ARHGAP10: variants seen among roughly 807,000 people sequenced by gnomAD.
ARHGAP10 encodes the protein rho GTPase-activating protein 10.
In ARHGAP10, 87 loss-of-function variants were observed where a neutral mutation model predicts 108.6. The observed-to-expected ratio is 0.80, with a 90% CI of 0.67 to 0.96. The LOEUF is 0.96. Ranked by LOEUF, ARHGAP10 falls within the 40% of genes least tolerant of loss-of-function variation. The pLI, the probability that ARHGAP10 is intolerant of heterozygous loss-of-function variation, is 0.00. For missense variants in ARHGAP10, 939 were observed against 954.5 expected (o/e 0.98, Z 0.21); for synonymous variants, 347 against 341.1 (o/e 1.02, Z -0.19).
In ARHGAP10 at chr4:148,047,011, C is replaced by T. The variant is rs1463484877; in HGVS notation, c.1987C>T (p.Leu663=). The change falls in exon 20 of 23, where the codon CTG becomes TTG. Residue 663 remains leucine, a synonymous_variant. Coordinates refer to ENST00000336498, the MANE Select transcript of ARHGAP10 (RefSeq NM_024605.4). ...TCCTGGACCAGACAAAAACCACCTT[C>T]TGGCAGATGGAGGGAGCTTTGGAGA... ...GPPGPDKNHL[L]ADGGSFGDWA... is the part of the protein sequence containing the mutation. The T allele has an allele frequency of 7.4e-6, 12 of 1,614,070 alleles. No individual in the cohort carries two copies. The highest frequency in any genetic ancestry group is 1.0e-5 in the Non-Finnish European group (12 of 1,180,024).
intron 13 of ARHGAP10, among the ~76,000 whole-genome samples, chr4:147,933,437 ATTAGCTGTTTATT>A (rs1474285177): frequency 6.6e-6 from 1 of 152,034 alleles, no homozygotes; most frequent in Non-Finnish European, 1.5e-5. Flanking sequence ...GCATTGAGGG[ATTAGCTGTTTATT>A]TTCATCTACC....
chr4:148,064,657 T>A, intron 22 of ARHGAP10, 150 bp downstream of exon 22: 1 of 675,150 alleles, frequency 1.5e-6, no homozygotes, highest in East Asian at 2.8e-5. Context: ...TGCGTTAGGC[T>A]CCCAGACCCC....
intron 15 of ARHGAP10, among the ~76,000 whole-genome samples, chr4:147,948,965 CA>C (rs571158588): frequency 4.6e-4 from 40 of 87,760 alleles, no homozygotes; most frequent in East Asian, 1.8e-3. Context: ...GACTCTGTCT[CA>C]AAAAAAAAAA....
chr4:148,056,129 T>G (rs776357125), intron 20 of ARHGAP10, among the ~76,000 whole-genome samples: 1 of 152,204 alleles, frequency 6.6e-6, no homozygotes, highest in Non-Finnish European at 1.5e-5. Flanking sequence ...CTGCCAAGCT[T>G]GAAGTATTTA....
At chr4:147,881,721 G>A (rs540510637) in intron 9 of ARHGAP10, 117 bp from the exon 10 acceptor site, 1 of 764,524 alleles carries the variant, frequency 1.3e-6, no homozygotes, top group South Asian at 2.0e-5. Flanking sequence ...AGAGGATAGG[G>A]TAAAGAGAAG....
At chr4:147,775,552 G>T (rs1050487990) in intron 1 of ARHGAP10, among the ~76,000 whole-genome samples, 5 of 152,196 alleles carry the variant, frequency 3.3e-5, no homozygotes, top group Non-Finnish European at 7.3e-5. Context: ...CCTGGTAGGA[G>T]AAAGGTGATT....
intron 1 of ARHGAP10, among the ~76,000 whole-genome samples, chr4:147,756,534 C>T (rs1179064909): frequency 6.6e-6 from 1 of 152,138 alleles, no homozygotes; most frequent in Non-Finnish European, 1.5e-5. Flanking sequence ...ATGAAAAATT[C>T]CAGAAATAAT....
chr4:147,978,808 AT>A (rs1428542156), intron 18 of ARHGAP10, among the ~76,000 whole-genome samples: 1 of 152,182 alleles, frequency 6.6e-6, no homozygotes, highest in East Asian at 1.9e-4. Flanking sequence ...TTCTCTGAAG[AT>A]TAATGATGTT....
intron 1 of ARHGAP10, among the ~76,000 whole-genome samples, chr4:147,741,774 A>ACC (rs1172546644): frequency 5.1e-4 from 19 of 37,158 alleles, no homozygotes; most frequent in Non-Finnish European, 3.2e-4. Context: ...CTTTACACAC[A>ACC]CACACACACA....
In ARHGAP10 at chr4:147,881,938, T is replaced by G. The variant is rs1186174832; in HGVS notation, c.1034+6T>G. 2.5e-6 allele frequency: 4 copies of G among 1,610,772 alleles called. No individual in the cohort carries two copies. Among genetic ancestry groups the G allele is most frequent in the Non-Finnish European group, 2.5e-6 (3 of 1,178,392 alleles). The stretch of plus-strand genomic sequence containing the variant: ...GACATAGAAGCTGCTGATCGGTAAG[T>G]TATTGGAATTATTGGACATGGTGAA... On this transcript the variant is annotated splice_donor_region_variant and intron_variant, in intron 10 of 22. Transcript: ENST00000336498.
At chr4:147,907,080 G>A (rs1736527113) in intron 11 of ARHGAP10, among the ~76,000 whole-genome samples, 1 of 152,164 alleles carries the variant, frequency 6.6e-6, no homozygotes, top group African/African-American at 2.4e-5. Flanking sequence ...AACAGGAAAT[G>A]TGAGATAGTG....
chr4:147,907,612 CAGAG>C (rs1244571303), intron 11 of ARHGAP10, among the ~76,000 whole-genome samples: 6 of 152,142 alleles, frequency 3.9e-5, no homozygotes, highest in Non-Finnish European at 7.3e-5. Context: ...CTTGTGGTAA[CAGAG>C]AGCGCATTGG....
intron 7 of ARHGAP10, among the ~76,000 whole-genome samples, chr4:147,868,237 T>C (rs1008661147): frequency 2.1e-5 from 3 of 145,836 alleles, no homozygotes; most frequent in African/African-American, 8.1e-5. Context: ...TTGTTGAGTT[T>C]TTTTTGTTTT....
chr4:147,947,700 G>T (rs986112071), intron 15 of ARHGAP10, among the ~76,000 whole-genome samples: 1 of 152,028 alleles, frequency 6.6e-6, no homozygotes, highest in African/African-American at 2.4e-5. Flanking sequence ...ACCATACCTG[G>T]CCTCAGGACC....
At chr4:147,843,055 C>T (rs953969983) in intron 3 of ARHGAP10, among the ~76,000 whole-genome samples, 78 of 152,270 alleles carry the variant, frequency 5.1e-4, no homozygotes, top group African/African-American at 1.8e-3. Flanking sequence ...AAAAAATAGC[C>T]ATTTGGTAGC....
At chr4:147,955,851 C>A (rs905581319) in intron 16 of ARHGAP10, among the ~76,000 whole-genome samples, 2 of 151,966 alleles carry the variant, frequency 1.3e-5, no homozygotes, top group Non-Finnish European at 2.9e-5. Flanking sequence ...TGAGATAATG[C>A]CAGAACTCCA....
chr4:147,958,507 GT>G (rs1360042127), intron 16 of ARHGAP10, among the ~76,000 whole-genome samples: 1 of 152,148 alleles, frequency 6.6e-6, no homozygotes, highest in African/African-American at 2.4e-5. Flanking sequence ...ATGTTCTATC[GT>G]TTTTGATAAA....
chr4:147,767,457 A>T (rs974368773), intron 1 of ARHGAP10, among the ~76,000 whole-genome samples: 13 of 152,052 alleles, frequency 8.5e-5, no homozygotes, highest in African/African-American at 3.1e-4. Flanking sequence ...CAGAATTTTG[A>T]AAAACATTGT....
At chr4:147,968,684 C>T (rs186433288) in intron 18 of ARHGAP10, among the ~76,000 whole-genome samples, 19 of 152,034 alleles carry the variant, frequency 1.2e-4, no homozygotes, top group Admixed American at 1.1e-3. Context: ...TTTTTTTCTT[C>T]AGTCACCTGT....
Sources: gnomAD v4.1 joint callset for allele counts (sites outside exome capture counted in the v4.1 genomes callset) on GRCh38, gnomAD v4.1.1 for gene constraint, MANE v1.5 for transcripts, NCBI Gene and HGNC (gene_info 2026-07-23, HGNC 2026-07-21) for gene names.